The following FLT1 variants were observed in gnomAD, a reference collection of about 807,000 sequenced individuals.
The protein encoded by FLT1 is vascular endothelial growth factor receptor 1.
Under a neutral mutation model 156.3 loss-of-function variants are expected in FLT1, and 49 were observed. That is an observed-to-expected ratio of 0.31 (90% CI 0.25 to 0.40). FLT1 has a LOEUF of 0.40. Among genes scored for constraint, FLT1 ranks in the 10% least tolerant of loss-of-function variants. The probability of loss-of-function intolerance (pLI) is 1.00; values close to 1 mark genes in which losing one functional copy is unlikely to be tolerated. For synonymous variants in FLT1, 594 were observed against 583.8 expected, an observed-to-expected ratio of 1.02 and a Z score of -0.25; for missense variants, 1,322 against 1,637.2, an observed-to-expected ratio of 0.81 and a Z score of 3.32.
chr13:28,309,057 G>A, intron 27 of FLT1, 130 bp from the exon 28 acceptor site: 1 of 664,700 alleles, frequency 1.5e-6, no homozygotes, highest in South Asian at 1.5e-5. Flanking sequence ...AACTCCTGAG[G>A]CCCCGATCTC....
chr13:28,314,274 C>T (rs1170115907), intron 25 of FLT1, among the ~76,000 whole-genome samples: 2 of 152,162 alleles, frequency 1.3e-5, no homozygotes, highest in African/African-American at 4.8e-5. Context: ...TGCTGACACT[C>T]GTAAACGGAA....
rs1342229118 is a variant in FLT1 at position 28,491,105 on chromosome 13, T to C, written c.64+3675A>G. ...CATAACTCTGCTGTGTAGATCTCAA[T>C]AGGCTGCATAACCTTCCTCGAGGAC... On this transcript the variant is annotated intron_variant, in intron 1 of 29. Coordinates refer to ENST00000282397, the MANE Select transcript of FLT1 (RefSeq NM_002019.4). Among the ~76,000 whole-genome samples, 6 of 143,206 alleles carry C rather than the reference T, an allele frequency of 4.2e-5. No homozygotes were observed. In the South Asian group the frequency reaches 1.1e-3, roughly 26 times the overall value. The allele number at this position is 143,206 out of a possible 152,430, so 93.9% of individuals were successfully genotyped here. A position where few individuals can be genotyped will look rare whatever the true frequency, so the allele number is the denominator to read the frequency against.
intron 11 of FLT1, among the ~76,000 whole-genome samples, chr13:28,398,514 A>G (rs1875206037): frequency 6.6e-6 from 1 of 152,228 alleles, no homozygotes; most frequent in Admixed American, 6.5e-5. Flanking sequence ...ACAGATCAGG[A>G]AGACTTAAAC....
rs1164824177 is a variant in FLT1, at chr13:28,301,003, A to C, written c.*2164T>G. 4.3e-6 allele frequency: 1 copy of C among 232,738 alleles called. No individual in the cohort carries two copies. Among genetic ancestry groups the C allele is most frequent in the Non-Finnish European group, 8.5e-6 (1 of 117,824 alleles). The allele number at this position is 232,738 out of a possible 1,614,324, so 14.4% of individuals were successfully genotyped here. ...TGATGGATGGACTCATGTATGCTAC[A>C]AACCTGAGTTTGAAGGAGCTGAGTA... On this transcript the variant is annotated 3_prime_UTR_variant, in exon 30 of 30. Coordinates refer to ENST00000282397, the MANE Select transcript of FLT1 (RefSeq NM_002019.4).
At chr13:28,335,300 G>A (rs1872076734) in intron 17 of FLT1, among the ~76,000 whole-genome samples, 3 of 152,150 alleles carry the variant, frequency 2.0e-5, no homozygotes, top group African/African-American at 7.2e-5. Context: ...AATCCTGGCA[G>A]TTAGAGTGTT....
rs150944398 is a variant in FLT1 at position 28,317,814 on chromosome 13, C to T, written c.3287-217G>A. Among the ~76,000 whole-genome samples, 1,009 of 152,314 alleles carry T rather than the reference C, an allele frequency of 6.6e-3. 8 individuals are homozygous for T. Among genetic ancestry groups the T allele is most frequent in the African/African-American group, 0.022 (931 of 41,580 alleles). ...CGCTTGGTTGGGTGGTCACATGGTG[C>T]GGGGCACCTGGTGCTCACAGGCTAT... On this transcript the variant is annotated intron_variant, in intron 24 of 29. Coordinates refer to ENST00000282397, the MANE Select transcript of FLT1 (RefSeq NM_002019.4).
At chr13:28,370,698 T>TATA (rs1873520747) in intron 14 of FLT1, among the ~76,000 whole-genome samples, 1 of 152,264 alleles carries the variant, frequency 6.6e-6, no homozygotes, top group Non-Finnish European at 1.5e-5. Context: ...TTATTATCTA[T>TATA]ATAACCTTAG....
chr13:28,372,614 T>C (rs1873669679), intron 14 of FLT1, among the ~76,000 whole-genome samples: 1 of 99,232 alleles, frequency 1.0e-5, no homozygotes, highest in Admixed American at 1.2e-4. Context: ...CTGGGTGCAG[T>C]GGCTCATGCC....
chr13:28,455,441 C>CA (rs1879204019), intron 3 of FLT1, among the ~76,000 whole-genome samples: 2 of 151,984 alleles, frequency 1.3e-5, no homozygotes, highest in Non-Finnish European at 2.9e-5. Context: ...AACAAACAAA[C>CA]AAAAAATGAG....
intron 15 of FLT1, 43 bp downstream of exon 15, chr13:28,357,511 A>G (rs746529775): frequency 1.9e-6 from 3 of 1,606,138 alleles, no homozygotes; most frequent in East Asian, 2.2e-5. Flanking sequence ...AGGGAAATAG[A>G]TGTCTGACCA....
intron 15 of FLT1, among the ~76,000 whole-genome samples, chr13:28,353,366 A>G (rs1872787616): frequency 6.6e-6 from 1 of 152,084 alleles, no homozygotes; most frequent in Non-Finnish European, 1.5e-5. Context: ...TGAGGTCAGG[A>G]GTTCGAGACC....
chr13:28,481,193 C>G (rs1041294054), intron 1 of FLT1, among the ~76,000 whole-genome samples: 12 of 152,162 alleles, frequency 7.9e-5, no homozygotes, highest in African/African-American at 2.7e-4. Context: ...AACAGTCTCC[C>G]AGCAGGAAGG....
At chr13:28,407,169 G>A (rs945153454) in intron 10 of FLT1, among the ~76,000 whole-genome samples, 21 of 151,992 alleles carry the variant, frequency 1.4e-4, no homozygotes, top group Admixed American at 5.9e-4. Context: ...GCATGCCGTC[G>A]GCGCCCCATA....
chr13:28,300,554 CACAT>C lies in FLT1; in HGVS notation c.*2609_*2612del, dbSNP rs1298649192. ...ACACACACACACACACACACACACA[CACAT>C]ACAGTTACACCACTGTCGGCCAAAG... On this transcript the variant is annotated 3_prime_UTR_variant, in exon 30 of 30. Transcript: ENST00000282397. 309 of 227,824 alleles carry C rather than the reference CACAT, an allele frequency of 1.4e-3. 2 individuals are homozygous for C. Among genetic ancestry groups the C allele is most frequent in the African/African-American group, 6.5e-3 (283 of 43,230 alleles). The allele number at this position is 227,824 out of a possible 1,614,324, so 14.1% of individuals were successfully genotyped here.
At chr13:28,389,610 T>G in intron 13 of FLT1, 186 bp downstream of exon 13, 1 of 1,460,644 alleles carries the variant, frequency 6.8e-7, no homozygotes, top group African/African-American at 1.4e-5. Flanking sequence ...GAACTCATTT[T>G]GGGAGGAGCA....
At chr13:28,306,864 T>A in intron 28 of FLT1, 92 bp from the exon 29 acceptor site, 1 of 833,120 alleles carries the variant, frequency 1.2e-6, no homozygotes, top group Non-Finnish European at 2.1e-6. Flanking sequence ...CATCTGTTGA[T>A]CCAGGCTCTG....
chr13:28,380,534 G>A (rs1874031407), intron 14 of FLT1, among the ~76,000 whole-genome samples: 1 of 152,194 alleles, frequency 6.6e-6, no homozygotes, highest in Admixed American at 6.5e-5. Context: ...TGCTGACTTG[G>A]TATAGCTGAA....
rs184887748 is a variant in FLT1, at chr13:28,387,076, A to G, written c.1970-2045T>C. The stretch of plus-strand genomic sequence containing the variant: ...AGGTGGATTGGAAAACGGTGTTTAA[A>G]GAGAAGAGAACATTTTAACATAAAT... On this transcript the variant is annotated intron_variant, in intron 13 of 29. Transcript: ENST00000282397. The G allele has an allele frequency of 9.4e-5, 97 of 1,035,710 alleles. No individual in the cohort carries two copies. The African/African-American group carries it at 1.5e-3, about 16-fold the overall frequency. 64.2% of individuals were successfully genotyped at this position (1,035,710 alleles called of 1,614,324 possible).
intron 14 of FLT1, among the ~76,000 whole-genome samples, chr13:28,372,196 C>T (rs1873636638): frequency 6.7e-6 from 1 of 148,432 alleles, no homozygotes. Flanking sequence ...ATCCTCCTAG[C>T]TCAGTCTCCT....
Sources: gnomAD v4.1 joint callset for allele counts (sites outside exome capture counted in the v4.1 genomes callset) on GRCh38, gnomAD v4.1.1 for gene constraint, MANE v1.5 for transcripts, NCBI Gene and HGNC (gene_info 2026-07-23, HGNC 2026-07-21) for gene names.